GAL3ST3: variants seen among roughly 807,000 people sequenced by gnomAD.
The protein encoded by GAL3ST3 is beta-galactose-3-O-sulfotransferase 3.
Under a neutral mutation model 20.8 loss-of-function variants are expected in GAL3ST3, and 21 were observed. The ratio of observed to expected loss-of-function variants is 1.01; its 90% CI spans 0.72 to 1.45. The LOEUF (loss-of-function observed/expected upper bound fraction) is 1.45. GAL3ST3 is among the 40% of genes most tolerant of loss of function. The pLI, the probability that GAL3ST3 is intolerant of heterozygous loss-of-function variation, is 0.00. For missense variants in GAL3ST3, 739 were observed against 662.7 expected (o/e 1.12, Z -1.26); for synonymous variants, 355 against 307.2 (o/e 1.16, Z -1.63).
rs768253217 is a variant in GAL3ST3, at chr11:66,043,406, C to G, written c.397G>C (p.Asp133His). The change falls in exon 3 of 3, where the codon GAC becomes CAC. Residue 133 changes from aspartate to histidine, a missense_variant. Coordinates refer to ENST00000312006, the MANE Select transcript of GAL3ST3 (RefSeq NM_033036.3). ...ATGAGGCGCTCCAGCTCCGCACGGT[C>G]GAAGCGCAGGTGGCTGGCCAGCACG... ...PHVLASHLRF[D>H]RAELERLMPP... 5.0e-6 allele frequency: 8 copies of G among 1,609,944 alleles called. No homozygotes were observed. The African/African-American group carries it at 5.3e-5, about 11-fold the overall frequency.
chr11:66,041,330 G>C lies in GAL3ST3; in HGVS notation c.*1177C>G, dbSNP rs1011942916. Among the ~76,000 whole-genome samples the C allele has an allele frequency of 6.6e-6, 1 of 152,178 alleles. No individual in the cohort carries two copies. Among genetic ancestry groups the C allele is most frequent in the Non-Finnish European group, 1.5e-5 (1 of 68,042 alleles). Reference sequence around the variant, plus strand: ...TGTCCAGATACGTCGATATAGCTCTGAAGAAAGTAACAGAAAAAGTTCCAA... The same window carrying C: ...TGTCCAGATACGTCGATATAGCTCTCAAGAAAGTAACAGAAAAAGTTCCAA... On this transcript the variant is annotated 3_prime_UTR_variant, in exon 3 of 3. Transcript: ENST00000312006.
Position 66,043,687 on chromosome 11 carries a change from C to G in GAL3ST3, c.126-10G>C. On this transcript the variant is annotated splice_polypyrimidine_tract_variant and intron_variant, in intron 2 of 2. Transcript: ENST00000312006. ...GAACAGCTTGGGGTACCTGCCAGGC[C>G]CAGGGAGTGTGCGGAGAGGAGGGTG... The G allele has an allele frequency of 6.3e-7, 1 of 1,591,728 alleles. No homozygotes were observed. The highest frequency in any genetic ancestry group is 8.6e-7 in the Non-Finnish European group (1 of 1,166,750).
Position 66,043,311 on chromosome 11 carries a change from G to A in GAL3ST3, c.492C>T (p.Tyr164=). 2 of 1,612,460 alleles carry A rather than the reference G, an allele frequency of 1.2e-6. No individual in the cohort carries two copies. Among genetic ancestry groups the A allele is most frequent in the Admixed American group, 1.7e-5 (1 of 59,956 alleles). ...GGAAGGCCGGGCAGTACTGGTTGTA[G>A]TAGCTGAAGAGCGACTCGAACATGG... ...PAAMFESLFS[Y]YNQYCPAFRR... The change falls in exon 3 of 3, where the codon TAC becomes TAT. Residue 164 remains tyrosine (Y), a synonymous_variant. Coordinates refer to ENST00000312006, the MANE Select transcript of GAL3ST3 (RefSeq NM_033036.3).
Position 66,042,995 on chromosome 11 carries a change from G to C in GAL3ST3, c.808C>G (p.Arg270Gly), listed in dbSNP as rs1249012504. 2 of 1,599,672 alleles carry C rather than the reference G, an allele frequency of 1.3e-6. No individual in the cohort carries two copies. Among genetic ancestry groups the C allele is most frequent in the Non-Finnish European group, 1.7e-6 (2 of 1,175,696 alleles). The change falls in exon 3 of 3, where the codon CGC becomes GGC. Residue 270 changes from arginine to glycine, a missense_variant. Transcript: ENST00000312006. ...DDVLYAKLNA[R>G]AASSRLAAIP... ...GCGGCCAGGCGCGAGCTGGCGGCGC[G>C]CGCGTTGAGCTTGGCGTAGAGCACG...
chr11:66,045,182 G>T, intron 2 of GAL3ST3, 109 bp downstream of exon 2: 1 of 1,011,632 alleles, frequency 9.9e-7, no homozygotes. Context: ...GGCCCTAAAG[G>T]GAAAGCACTT....
intron 1 of GAL3ST3, among the ~76,000 whole-genome samples, chr11:66,047,106 G>A (rs1856790571): frequency 6.6e-6 from 1 of 152,188 alleles, no homozygotes. Context: ...GGGTAACCAA[G>A]GGCACAGCAG....
intron 2 of GAL3ST3, 24 bp downstream of exon 2, chr11:66,045,261 TCCGGCC>T (rs1484830596): frequency 1.3e-6 from 2 of 1,485,910 alleles, no homozygotes; most frequent in Non-Finnish European, 1.8e-6. Flanking sequence ...GGAGGGGAGC[TCCGGCC>T]CCCCTGGGGC....
intron 2 of GAL3ST3, among the ~76,000 whole-genome samples, chr11:66,044,123 A>G (rs1158450517): frequency 6.6e-6 from 1 of 152,190 alleles, no homozygotes; most frequent in African/African-American, 2.4e-5. Context: ...CCCTCAGTCC[A>G]CCAGCCGGCT....
rs2452682 is a variant in GAL3ST3, at chr11:66,045,138, A to G, written c.125+153T>C. 446,894 of 560,634 alleles carry G rather than the reference A, an allele frequency of 0.8. 182,824 individuals carry two copies. Among genetic ancestry groups the G allele is most frequent in the Non-Finnish European group, 0.85 (295,225 of 348,914 alleles). 34.7% of individuals were successfully genotyped at this position (560,634 alleles called of 1,614,324 possible). On this transcript the variant is annotated intron_variant, in intron 2 of 2. Coordinates refer to ENST00000312006, the MANE Select transcript of GAL3ST3 (RefSeq NM_033036.3). ...TTTGAGCAAGTCACTCAGCCCTTTC[A>G]TTGAAGAGCAGTCCCTGTCCAGGGA...
chr11:66,043,203 G>A lies in GAL3ST3; in HGVS notation c.600C>T (p.Phe200=), dbSNP rs1409974202. Residue 200 remains phenylalanine, a synonymous_variant, in exon 3 of 3, where the codon TTC becomes TTT. Transcript: ENST00000312006. ...GGTCGTAGGCCAGCGTGTTGTGTGC[G>A]AACATGGCGAAGTGCTCGCCAGCGC... The part of the protein sequence containing the change: ...YYRAGEHFAM[F]AHNTLAYDLG... The A allele has an allele frequency of 8.1e-6, 13 of 1,612,212 alleles. No individual in the cohort carries two copies. Among genetic ancestry groups the A allele is most frequent in the Non-Finnish European group, 1.1e-5 (13 of 1,179,514 alleles).
rs1211070600 is a variant in GAL3ST3 at position 66,043,106 on chromosome 11, C to T, written c.697G>A (p.Glu233Lys). 10 of 1,611,834 alleles carry T rather than the reference C, an allele frequency of 6.2e-6. No homozygotes were observed. Among genetic ancestry groups the T allele is most frequent in the South Asian group, 2.2e-5 (2 of 91,082 alleles). ...YLAGLIRQVEEVFSLVMIAEY... is the reference protein window; with the variant it reads ...YLAGLIRQVEKVFSLVMIAEY... ...GCGATCATGACGAGCGAGAAAACCT[C>T]CTCCACCTGGCGGATGAGGCCCGCC... Residue 233 changes from glutamate to lysine, a missense_variant, in exon 3 of 3, where the codon GAG becomes AAG. Physicochemically the swap from Glu to Lys is moderately conservative, Grantham distance 56 (BLOSUM62 1). Coordinates refer to ENST00000312006, the MANE Select transcript of GAL3ST3 (RefSeq NM_033036.3).
chr11:66,042,825 C>G lies in GAL3ST3; in HGVS notation c.978G>C (p.Glu326Asp). The change falls in exon 3 of 3, where the codon GAG (glutamate) becomes GAC (aspartate). Residue 326 changes from glutamate to aspartate, a missense_variant. Glu to Asp is a conservative substitution (Grantham distance 45). Transcript: ENST00000312006. The part of the protein sequence containing the change: ...CVEREARELR[E>D]ARQRLLRRCF... ...AGCGCCGCAGTAGGCGCTGGCGGGC[C>G]TCGCGCAGCTCGCGCGCCTCGCGCT... 1 of 1,369,930 alleles carries G rather than the reference C, an allele frequency of 7.3e-7. No homozygotes were observed. The highest frequency in any genetic ancestry group is 9.3e-7 in the Non-Finnish European group (1 of 1,070,854). The allele number at this position is 1,369,930 out of a possible 1,614,324, so 84.9% of individuals were successfully genotyped here. A position where few individuals can be genotyped will look rare whatever the true frequency, so the allele number is the denominator to read the frequency against.
chr11:66,048,473 C>T (rs773477974), intron 1 of GAL3ST3, among the ~76,000 whole-genome samples: 9 of 152,014 alleles, frequency 5.9e-5, no homozygotes, highest in East Asian at 1.9e-4. Context: ...CTGGATGGCC[C>T]GGAGACTCCA....
chr11:66,045,199 T>C (rs1409738002), intron 2 of GAL3ST3, 92 bp downstream of exon 2: 2 of 1,166,336 alleles, frequency 1.7e-6, no homozygotes, highest in East Asian at 3.0e-5. Context: ...ACTTTCAGAA[T>C]AGAGGGGAGG....
At chr11:66,046,367 T>C (rs1200006969) in intron 1 of GAL3ST3, among the ~76,000 whole-genome samples, 1 of 152,186 alleles carries the variant, frequency 6.6e-6, no homozygotes, top group African/African-American at 2.4e-5. Flanking sequence ...GAGAAATTCA[T>C]GAGGGAAAGG....
In GAL3ST3 at chr11:66,042,506, C is replaced by G; in HGVS notation, c.*1G>C. ...CCCATACTCCTGGAGGCCTGCGGAG[C>G]TCAGGGACCTTGAGGGCCGCGAGGC... On this transcript the variant is annotated 3_prime_UTR_variant, in exon 3 of 3. Coordinates refer to ENST00000312006, the MANE Select transcript of GAL3ST3 (RefSeq NM_033036.3). 1 of 1,474,214 alleles carries G rather than the reference C, an allele frequency of 6.8e-7. No individual in the cohort carries two copies. Among genetic ancestry groups the G allele is most frequent in the Non-Finnish European group, 8.9e-7 (1 of 1,120,190 alleles). The allele number at this position is 1,474,214 out of a possible 1,614,324, so 91.3% of individuals were successfully genotyped here. A position where few individuals can be genotyped will look rare whatever the true frequency, so the allele number is the denominator to read the frequency against.
chr11:66,042,934 C>T lies in GAL3ST3; in HGVS notation c.869G>A (p.Trp290Ter), dbSNP rs2135018517. The T allele has an allele frequency of 2.4e-6, 3 of 1,237,812 alleles. No individual in the cohort carries two copies. Among genetic ancestry groups the T allele is most frequent in the South Asian group, 3.7e-5 (2 of 54,730 alleles). 76.7% of individuals were successfully genotyped at this position (1,237,812 alleles called of 1,614,324 possible). ...GTAGAGGCCGGCGTCCAGGGCGTTC[C>T]AGGTGCGCGCCGCCCGCGCCAGCGC... ...PAALARAART[W>*]NALDAGLYDH... The change falls in exon 3 of 3, where the codon TGG becomes TAG. Residue 290 changes from tryptophan to a stop codon, truncating the protein, a stop_gained. Transcript: ENST00000312006. LOFTEE classifies it low-confidence loss of function (END_TRUNC).
In GAL3ST3 at chr11:66,042,230, T is replaced by G; in HGVS notation, c.*277A>C. ...CAGAAAAAGGCAGGGTGAGCAGTTCTGGACAGCCCTCAGGCCTCTTGTCAA... is the reference window on the plus strand; with the variant it reads ...CAGAAAAAGGCAGGGTGAGCAGTTCGGGACAGCCCTCAGGCCTCTTGTCAA... On this transcript the variant is annotated 3_prime_UTR_variant, in exon 3 of 3. Transcript: ENST00000312006. The G allele has an allele frequency of 2.4e-6, 1 of 412,806 alleles. No individual in the cohort carries two copies. The highest frequency in any genetic ancestry group is 4.3e-6 in the Non-Finnish European group (1 of 233,372). The allele number at this position is 412,806 out of a possible 1,614,324, so 25.6% of individuals were successfully genotyped here.
In GAL3ST3 at chr11:66,043,331, A is replaced by G; in HGVS notation, c.472T>C (p.Phe158Leu). 1 of 1,611,856 alleles carries G rather than the reference A, an allele frequency of 6.2e-7. No homozygotes were observed. ...TTGTAGTAGCTGAAGAGCGACTCGAACATGGCGGCCGGCTCGCGCAGGATG... is the reference window on the plus strand; with the variant it reads ...TTGTAGTAGCTGAAGAGCGACTCGAGCATGGCGGCCGGCTCGCGCAGGATG... ...VTILREPAAM[F>L]ESLFSYYNQY... is the part of the protein sequence containing the mutation. Residue 158 changes from phenylalanine to leucine, a missense_variant, in exon 3 of 3, where the codon TTC (phenylalanine) becomes CTC (leucine). By Grantham distance (22) the Phe-to-Leu change is conservative. Coordinates refer to ENST00000312006, the MANE Select transcript of GAL3ST3 (RefSeq NM_033036.3).
Sources: gnomAD v4.1 joint callset for allele counts (sites outside exome capture counted in the v4.1 genomes callset) on GRCh38, gnomAD v4.1.1 for gene constraint, MANE v1.5 for transcripts, NCBI Gene and HGNC (gene_info 2026-07-23, HGNC 2026-07-21) for gene names.